Variants in SMYD3 observed in about 807,000 individuals in gnomAD.
SMYD3 encodes the protein SET and MYND domain containing 3, also known as histone-lysine N-methyltransferase SMYD3.
Under a neutral mutation model 57.7 loss-of-function variants are expected in SMYD3, and 36 were observed. The observed-to-expected ratio is 0.62, with a 90% CI of 0.48 to 0.82. The LOEUF is 0.82. Among genes scored for constraint, SMYD3 ranks in the 40% least tolerant of loss-of-function variants. The probability of loss-of-function intolerance (pLI) is 0.00; values close to 1 mark genes in which losing one functional copy is unlikely to be tolerated. For missense variants in SMYD3, 515 were observed against 538.8 expected, an observed-to-expected ratio of 0.96 and a Z score of 0.44; for synonymous variants, 211 against 195.0, an observed-to-expected ratio of 1.08 and a Z score of -0.68.
At chr1:246,252,606 C>A (rs948180955) in intron 5 of SMYD3, among the ~76,000 whole-genome samples, 1 of 152,150 alleles carries the variant, frequency 6.6e-6, no homozygotes, top group Admixed American at 6.6e-5. Context: ...TCACTTATAG[C>A]AAGACTTTAT....
At chr1:245,860,164 C>T (rs1558431140) in intron 9 of SMYD3, among the ~76,000 whole-genome samples, 1 of 151,798 alleles carries the variant, frequency 6.6e-6, no homozygotes, top group Non-Finnish European at 1.5e-5. Flanking sequence ...CCCTTCGTGC[C>T]CCCACACCCC....
intron 5 of SMYD3, among the ~76,000 whole-genome samples, chr1:246,130,750 A>G (rs944164571): frequency 6.6e-6 from 1 of 152,066 alleles, no homozygotes; most frequent in African/African-American, 2.4e-5. Context: ...TGCCTGAACT[A>G]TTGCACTGGC....
intron 5 of SMYD3, among the ~76,000 whole-genome samples, chr1:246,275,253 T>C (rs545577675): frequency 2.0e-5 from 3 of 152,338 alleles, no homozygotes; most frequent in South Asian, 4.1e-4. Context: ...AGACAAGACA[T>C]GATACATACA....
intron 5 of SMYD3, among the ~76,000 whole-genome samples, chr1:246,119,343 A>G (rs1340271483): frequency 2.6e-5 from 4 of 151,826 alleles, no homozygotes; most frequent in Non-Finnish European, 4.4e-5. Context: ...TCTTTCTGCC[A>G]CTGTAGTTGG....
At chr1:246,097,441 A>C (rs2060935707) in intron 5 of SMYD3, among the ~76,000 whole-genome samples, 1 of 152,224 alleles carries the variant, frequency 6.6e-6, no homozygotes, top group African/African-American at 2.4e-5. Flanking sequence ...CATCTTTCCC[A>C]GGCCAAAATG....
At chr1:245,890,022 C>T (rs185441963) in intron 8 of SMYD3, among the ~76,000 whole-genome samples, 122 of 151,348 alleles carry the variant, frequency 8.1e-4, no homozygotes, top group Non-Finnish European at 1.2e-4. Context: ...GCCGGGAAAA[C>T]TGGATGTGCA....
chr1:246,225,284 A>T (rs755592593), intron 5 of SMYD3, among the ~76,000 whole-genome samples: 1 of 143,328 alleles, frequency 7.0e-6, no homozygotes, highest in Non-Finnish European at 1.5e-5. Context: ...CTAGGAGCCA[A>T]GATAGGGGTC....
chr1:246,216,904 T>C (rs12081169), intron 5 of SMYD3, among the ~76,000 whole-genome samples: 40,315 of 151,902 alleles, frequency 0.27, 6,080 homozygotes, highest in East Asian at 0.58. Context: ...AGGCTGTGTG[T>C]GGGCCTCATC....
At chr1:245,933,724 G>A (rs754595488) in intron 5 of SMYD3, among the ~76,000 whole-genome samples, 3 of 152,126 alleles carry the variant, frequency 2.0e-5, no homozygotes, top group African/African-American at 4.8e-5. Context: ...CAAAATGAGT[G>A]TATTACCATG....
intron 1 of SMYD3, among the ~76,000 whole-genome samples, chr1:246,448,885 G>T (rs1459839080): frequency 6.6e-6 from 1 of 151,850 alleles, no homozygotes; most frequent in African/African-American, 2.4e-5. Context: ...CTTCCCACAG[G>T]AACAGCCTAC....
intron 5 of SMYD3, among the ~76,000 whole-genome samples, chr1:245,974,058 C>T (rs2058364990): frequency 1.3e-5 from 2 of 152,098 alleles, no homozygotes; most frequent in Non-Finnish European, 2.9e-5. Flanking sequence ...GCTGCCCTTC[C>T]TCCAGACCCT....
intron 5 of SMYD3, among the ~76,000 whole-genome samples, chr1:246,233,715 C>A (rs1224534383): frequency 4.4e-5 from 6 of 136,774 alleles, no homozygotes; most frequent in African/African-American, 8.6e-5. Context: ...ACATATACCA[C>A]ACAGAGGAGA....
At chr1:246,358,045 C>A (rs1339319085) in intron 1 of SMYD3, among the ~76,000 whole-genome samples, 3 of 152,142 alleles carry the variant, frequency 2.0e-5, no homozygotes, top group East Asian at 3.9e-4. Context: ...AATTCACCAA[C>A]TAAATTTCTG....
At chr1:246,312,258 T>A (rs2065092429) in intron 5 of SMYD3, among the ~76,000 whole-genome samples, 1 of 152,150 alleles carries the variant, frequency 6.6e-6, no homozygotes, top group Admixed American at 6.5e-5. Flanking sequence ...GACATCTTTT[T>A]GCAAGAGATT....
intron 5 of SMYD3, among the ~76,000 whole-genome samples, chr1:246,056,502 G>C (rs953978460): frequency 1.3e-5 from 2 of 151,970 alleles, no homozygotes; most frequent in African/African-American, 4.8e-5. Context: ...GCAAAGCTCA[G>C]TTTGTAACCA....
chr1:245,962,892 A>C (rs2058046220), intron 5 of SMYD3, among the ~76,000 whole-genome samples: 1 of 152,210 alleles, frequency 6.6e-6, no homozygotes, highest in Non-Finnish European at 1.5e-5. Flanking sequence ...TTAACTGTAA[A>C]ACAGTCAAGG....
chr1:246,391,356 A>G (rs1397530880), intron 1 of SMYD3, among the ~76,000 whole-genome samples: 1 of 150,764 alleles, frequency 6.6e-6, no homozygotes, highest in Non-Finnish European at 1.5e-5. Context: ...CTCCAGCCTG[A>G]GAAACAAAGC....
chr1:245,772,149 G>A (rs183303836), intron 10 of SMYD3, among the ~76,000 whole-genome samples: 7 of 152,116 alleles, frequency 4.6e-5, no homozygotes, highest in Non-Finnish European at 8.8e-5. Flanking sequence ...TGTACTATTG[G>A]CCTCATATCA....
At chr1:245,978,195 T>C (rs1039272204) in intron 5 of SMYD3, among the ~76,000 whole-genome samples, 3 of 152,244 alleles carry the variant, frequency 2.0e-5, no homozygotes, top group African/African-American at 7.2e-5. Context: ...CTCTTACCCA[T>C]TCCTAGTTCT....
Sources: gnomAD v4.1 joint callset for allele counts (sites outside exome capture counted in the v4.1 genomes callset) on GRCh38, gnomAD v4.1.1 for gene constraint, MANE v1.5 for transcripts, NCBI Gene and HGNC (gene_info 2026-07-23, HGNC 2026-07-21) for gene names.